HTT: variants seen among roughly 807,000 people sequenced by gnomAD.
HTT encodes huntington disease protein.
Under a neutral mutation model 362.3 loss-of-function variants are expected in HTT, and 104 were observed. That is an observed-to-expected ratio of 0.29 (90% CI 0.24 to 0.34). The LOEUF is 0.34. HTT is among the 10% of genes least tolerant of loss of function. The probability of loss-of-function intolerance (pLI) is 1.00; values close to 1 mark genes in which losing one functional copy is unlikely to be tolerated. For synonymous variants in HTT, 1,577 were observed against 1,548.7 expected, an observed-to-expected ratio of 1.02 and a Z score of -0.43; for missense variants, 3,301 against 3,928.6, an observed-to-expected ratio of 0.84 and a Z score of 4.27.
At chr4:3,122,495 T>G (rs1406163283) in intron 9 of HTT, among the ~76,000 whole-genome samples, 1 of 152,230 alleles carries the variant, frequency 6.6e-6, no homozygotes, top group Non-Finnish European at 1.5e-5. Flanking sequence ...ATCTGCCTTG[T>G]TTCCTGTCCT....
At chr4:3,194,393 G>A (rs970454900) in intron 40 of HTT, among the ~76,000 whole-genome samples, 2 of 152,222 alleles carry the variant, frequency 1.3e-5, no homozygotes, top group Non-Finnish European at 2.9e-5. Context: ...GGGGTAACCA[G>A]CATCCCTCTC....
At chr4:3,160,417 G>C in intron 29 of HTT, 25 bp downstream of exon 29, 1 of 1,445,046 alleles carries the variant, frequency 6.9e-7, no homozygotes, top group Non-Finnish European at 9.5e-7. Flanking sequence ...TTTTCTCCTT[G>C]GGTTGTGGCT....
In HTT at chr4:3,147,996, A is replaced by G. The variant is rs201365651; in HGVS notation, c.3296-9A>G. 9 of 1,607,642 alleles carry G rather than the reference A, an allele frequency of 5.6e-6. No individual in the cohort carries two copies. Among genetic ancestry groups the G allele is most frequent in the East Asian group, 4.5e-5 (2 of 44,840 alleles). On this transcript the variant is annotated splice_polypyrimidine_tract_variant and intron_variant, in intron 25 of 66. Coordinates refer to ENST00000355072, the MANE Select transcript of HTT (RefSeq NM_001388492.1). The stretch of plus-strand genomic sequence containing the variant: ...GGGTGGAGAGGTAATGTCTGTGCCC[A>G]TATCACAGCCAGTGCTCCCAAATCT...
intron 21 of HTT, among the ~76,000 whole-genome samples, chr4:3,138,462 C>G (rs1160181959): frequency 6.6e-6 from 1 of 152,082 alleles, no homozygotes; most frequent in African/African-American, 2.4e-5. Flanking sequence ...CACAGCTCAG[C>G]TCCCACTTCT....
intron 8 of HTT, among the ~76,000 whole-genome samples, chr4:3,117,335 C>A (rs2110173593): frequency 6.6e-6 from 1 of 151,896 alleles, no homozygotes; most frequent in East Asian, 1.9e-4. Flanking sequence ...TTCATCTTTA[C>A]CTTGCCTTGT....
At chr4:3,091,478 T>C (rs1369524011) in intron 2 of HTT, among the ~76,000 whole-genome samples, 1 of 152,232 alleles carries the variant, frequency 6.6e-6, no homozygotes, top group African/African-American at 2.4e-5. Context: ...GTTCAATATG[T>C]CAAAATCCAC....
At chr4:3,146,082 G>A (rs529538741) in intron 24 of HTT, among the ~76,000 whole-genome samples, 2 of 152,260 alleles carry the variant, frequency 1.3e-5, no homozygotes, top group African/African-American at 4.8e-5. Flanking sequence ...GAAAATATGG[G>A]TAGACACCAT....
At chr4:3,116,675 C>G (rs934768427) in intron 8 of HTT, among the ~76,000 whole-genome samples, 4 of 152,168 alleles carry the variant, frequency 2.6e-5, no homozygotes, top group Admixed American at 6.5e-5. Context: ...GCACACTGGT[C>G]TAGGCACGGT....
At position 3,215,194 on chromosome 4, in the gene HTT, T is replaced by C. The variant is rs1178411695; in HGVS notation, c.7037T>C (p.Val2346Ala). Residue 2346 changes from valine to alanine, a missense_variant, in exon 51 of 67, where the codon GTA (valine) becomes GCA (alanine). Val to Ala is a moderately conservative substitution (Grantham distance 64). Coordinates refer to ENST00000355072, the MANE Select transcript of HTT (RefSeq NM_001388492.1). ...GCCATCAGCGAGGAGGAGGAGGAAG[T>C]AGATCCAAACACACAGAGTAAGTCT... ...PKAISEEEEE[V>A]DPNTQNPKYI... is the part of the protein sequence containing the mutation. The C allele has an allele frequency of 3.7e-6, 6 of 1,613,418 alleles. No homozygotes were observed. The highest frequency in any genetic ancestry group is 3.4e-6 in the Non-Finnish European group (4 of 1,179,504).
chr4:3,217,303 C>G (rs1336195786), intron 51 of HTT, among the ~76,000 whole-genome samples: 2 of 152,172 alleles, frequency 1.3e-5, no homozygotes, highest in African/African-American at 4.8e-5. Context: ...AGAACCATGC[C>G]CCAAGCCCCT....
chr4:3,205,023 G>C lies in HTT; in HGVS notation c.5718+875G>C, dbSNP rs574162461. Among the ~76,000 whole-genome samples the C allele has an allele frequency of 4.5e-4, 69 of 152,230 alleles. No homozygotes were observed. In the East Asian group the frequency reaches 9.3e-3, roughly 20 times the overall value. ...AAGTTAATTTGTAGAAAAGGTGTTA[G>C]ATGTTCTTTGTCACATTTTATGATG... On this transcript the variant is annotated intron_variant, in intron 42 of 66. Coordinates refer to ENST00000355072, the MANE Select transcript of HTT (RefSeq NM_001388492.1).
chr4:3,145,737 G>A (rs1267685926), intron 24 of HTT, among the ~76,000 whole-genome samples: 1 of 152,188 alleles, frequency 6.6e-6, no homozygotes, highest in African/African-American at 2.4e-5. Context: ...TTCATTTTGT[G>A]TATCAATTAC....
chr4:3,209,030 C>A (rs1185214993), intron 46 of HTT, 119 bp downstream of exon 46: 1 of 1,130,618 alleles, frequency 8.8e-7, no homozygotes, highest in Non-Finnish European at 1.2e-6. Context: ...GCGCTCGGCT[C>A]GGCTCAGTGA....
intron 8 of HTT, among the ~76,000 whole-genome samples, chr4:3,119,693 T>C (rs1715202844): frequency 6.6e-6 from 1 of 152,164 alleles, no homozygotes; most frequent in African/African-American, 2.4e-5. Context: ...GAAATCTCCA[T>C]AGTATGAAAG....
At position 3,130,318 on chromosome 4, in the gene HTT, A is replaced by G; in HGVS notation, c.1881A>G (p.Ala627=). ...FRNSSMALQQ[A]HLLKNMSHCR... ...CTGTTTTTAAAGCCCTTCAACAGGC[A>G]CATTTATTGAAAAACATGAGTCACT... The change falls in exon 14 of 67, where the codon GCA becomes GCG. Residue 627 remains alanine (A), a synonymous_variant. Coordinates refer to ENST00000355072, the MANE Select transcript of HTT (RefSeq NM_001388492.1). 2.5e-6 allele frequency: 4 copies of G among 1,580,310 alleles called. No homozygotes were observed. The highest frequency in any genetic ancestry group is 3.4e-6 in the Non-Finnish European group (4 of 1,160,330).
chr4:3,134,342 G>C, intron 18 of HTT, 59 bp from the exon 19 acceptor site: 1 of 1,506,810 alleles, frequency 6.6e-7, no homozygotes, highest in South Asian at 1.3e-5. Context: ...AAACCGTCAA[G>C]ACGCGGGTAC....
At chr4:3,125,287 A>C (rs549823019) in intron 10 of HTT, among the ~76,000 whole-genome samples, 1 of 152,248 alleles carries the variant, frequency 6.6e-6, no homozygotes, top group East Asian at 1.9e-4. Context: ...TTAATTATTA[A>C]AATGTTTTGT....
At chr4:3,176,979 G>T (rs1718272563) in intron 33 of HTT, among the ~76,000 whole-genome samples, 1 of 152,154 alleles carries the variant, frequency 6.6e-6, no homozygotes, top group Non-Finnish European at 1.5e-5. Flanking sequence ...GACTCCTTTG[G>T]GTATCTTATT....
At chr4:3,148,615 G>A (rs1420704548) in intron 26 of HTT, among the ~76,000 whole-genome samples, 1 of 152,196 alleles carries the variant, frequency 6.6e-6, no homozygotes, top group Non-Finnish European at 1.5e-5. Flanking sequence ...GGCTAACACA[G>A]TGAAACCCCG....
Sources: gnomAD v4.1 joint callset for allele counts (sites outside exome capture counted in the v4.1 genomes callset) on GRCh38, gnomAD v4.1.1 for gene constraint, MANE v1.5 for transcripts, NCBI Gene and HGNC (gene_info 2026-07-23, HGNC 2026-07-21) for gene names.